Variants in COMMD10 observed in about 807,000 individuals in gnomAD.
COMMD10 encodes the protein COMM domain-containing protein 10.
Under a neutral mutation model 28.9 loss-of-function variants are expected in COMMD10, and 33 were observed. That is an observed-to-expected ratio of 1.14 (90% CI 0.87 to 1.53). The LOEUF (loss-of-function observed/expected upper bound fraction) is 1.53. Among genes scored for constraint, COMMD10 ranks in the 40% most tolerant of loss-of-function variants. The pLI, the probability that COMMD10 is intolerant of heterozygous loss-of-function variation, is 0.00. For synonymous variants in COMMD10, 110 were observed against 81.7 expected (o/e 1.35, Z -1.87); for missense variants, 310 against 233.4 (o/e 1.33, Z -2.14).
chr5:116,239,154 A>T (rs1453431723), intron 5 of COMMD10, among the ~76,000 whole-genome samples: 1 of 152,212 alleles, frequency 6.6e-6, no homozygotes, highest in Non-Finnish European at 1.5e-5. Context: ...CATGGCTTTT[A>T]ACAAAATTCC....
At chr5:116,132,937 A>G (rs186903383) in intron 4 of COMMD10, among the ~76,000 whole-genome samples, 23 of 152,252 alleles carry the variant, frequency 1.5e-4, no homozygotes, top group Non-Finnish European at 2.5e-4. Flanking sequence ...TGCCAGAAGG[A>G]ACAGAACTGT....
At chr5:116,176,523 TA>T (rs1430751254) in intron 5 of COMMD10, among the ~76,000 whole-genome samples, 1 of 152,170 alleles carries the variant, frequency 6.6e-6, no homozygotes, top group Non-Finnish European at 1.5e-5. Context: ...TTTAATTTTG[TA>T]TGTCTTCATT....
chr5:116,214,719 C>T (rs945458040), intron 5 of COMMD10, among the ~76,000 whole-genome samples: 9 of 152,000 alleles, frequency 5.9e-5, no homozygotes, highest in African/African-American at 1.4e-4. Context: ...TAAATTATGG[C>T]CTCAATTTTG....
At chr5:116,159,456 A>G (rs369963130) in intron 5 of COMMD10, among the ~76,000 whole-genome samples, 19 of 152,292 alleles carry the variant, frequency 1.2e-4, no homozygotes, top group African/African-American at 4.1e-4. Context: ...CTGAACATAC[A>G]TTGCAAATAC....
At chr5:116,208,398 T>G (rs1415421985) in intron 5 of COMMD10, among the ~76,000 whole-genome samples, 1 of 152,150 alleles carries the variant, frequency 6.6e-6, no homozygotes, top group African/African-American at 2.4e-5. Flanking sequence ...ATCCCCTGTC[T>G]AGCCATTCCT....
At chr5:116,156,095 T>G (rs961161820) in intron 5 of COMMD10, among the ~76,000 whole-genome samples, 4 of 152,098 alleles carry the variant, frequency 2.6e-5, no homozygotes, top group Admixed American at 6.6e-5. Context: ...ACCAAAACAT[T>G]TCACCTCCCT....
chr5:116,164,827 T>C (rs1009285903), intron 5 of COMMD10, among the ~76,000 whole-genome samples: 1 of 152,152 alleles, frequency 6.6e-6, no homozygotes, highest in Admixed American at 6.5e-5. Flanking sequence ...AAATATGATA[T>C]TTTATGTACT....
chr5:116,202,811 G>T (rs373105134), intron 5 of COMMD10, among the ~76,000 whole-genome samples: 7 of 151,582 alleles, frequency 4.6e-5, no homozygotes, highest in African/African-American at 7.3e-5. Flanking sequence ...AGTAGGTTGC[G>T]AAAATTTTCT....
intron 5 of COMMD10, among the ~76,000 whole-genome samples, chr5:116,140,505 T>C (rs1327842539): frequency 6.6e-6 from 1 of 151,834 alleles, no homozygotes; most frequent in East Asian, 1.9e-4. Flanking sequence ...TTCAAACTGT[T>C]GTCCTTAATG....
intron 5 of COMMD10, among the ~76,000 whole-genome samples, chr5:116,146,019 C>A (rs1409339296): frequency 6.6e-6 from 1 of 151,780 alleles, no homozygotes; most frequent in Admixed American, 6.6e-5. Flanking sequence ...ATAGAGGAGC[C>A]TCAAATAGAT....
intron 5 of COMMD10, among the ~76,000 whole-genome samples, chr5:116,175,578 T>G (rs1000382467): frequency 6.6e-6 from 1 of 151,854 alleles, no homozygotes; most frequent in African/African-American, 2.4e-5. Flanking sequence ...CACCCATGTT[T>G]GTAGCAGCAG....
At chr5:116,201,182 A>G (rs1261391259) in intron 5 of COMMD10, among the ~76,000 whole-genome samples, 1 of 152,186 alleles carries the variant, frequency 6.6e-6, no homozygotes, top group Non-Finnish European at 1.5e-5. Flanking sequence ...GAACTCCAAC[A>G]GGTTAAGCTC....
chr5:116,214,731 G>A (rs1749055041), intron 5 of COMMD10, among the ~76,000 whole-genome samples: 1 of 151,936 alleles, frequency 6.6e-6, no homozygotes, highest in Non-Finnish European at 1.5e-5. Context: ...TCAATTTTGG[G>A]ACTCCAGGCC....
rs184618335 is a variant in COMMD10, at chr5:116,146,900, A to G, written c.510+12722A>G. Among the ~76,000 whole-genome samples, 277 of 151,920 alleles carry G rather than the reference A, an allele frequency of 1.8e-3. 1 individual carries two copies. Among genetic ancestry groups the G allele is most frequent in the African/African-American group, 6.1e-3 (255 of 41,480 alleles). ...AAAATCTCTTTATTTTTGTTTTTCA[A>G]AGTTTCTCAGCTGTCCTTAATACTT... On this transcript the variant is annotated intron_variant, in intron 5 of 6. Transcript: ENST00000274458.
chr5:116,206,511 G>A (rs1000006695), intron 5 of COMMD10, among the ~76,000 whole-genome samples: 1 of 152,238 alleles, frequency 6.6e-6, no homozygotes, highest in East Asian at 1.9e-4. Context: ...AATTAACTGG[G>A]TGTGGTGGTG....
chr5:116,181,125 C>T (rs563183620), intron 5 of COMMD10, among the ~76,000 whole-genome samples: 2 of 152,030 alleles, frequency 1.3e-5, no homozygotes, highest in East Asian at 3.9e-4. Context: ...GCCTGGGCGA[C>T]AGAGTGAGAC....
At chr5:116,154,405 T>C (rs1191221308) in intron 5 of COMMD10, among the ~76,000 whole-genome samples, 1 of 152,146 alleles carries the variant, frequency 6.6e-6, no homozygotes. Context: ...TGCATAAAAG[T>C]GTAAACATTT....
chr5:116,199,793 A>G (rs80129714), intron 5 of COMMD10, among the ~76,000 whole-genome samples: 2,288 of 152,192 alleles, frequency 0.015, 56 homozygotes, highest in African/African-American at 0.048. Flanking sequence ...GGGTCTCGCT[A>G]TGTTGCCCAG....
chr5:116,143,259 A>T (rs1008413811), intron 5 of COMMD10, among the ~76,000 whole-genome samples: 2 of 151,558 alleles, frequency 1.3e-5, no homozygotes, highest in Admixed American at 6.6e-5. Context: ...GTCTACATTT[A>T]TCCATAATAA....
Sources: allele counts gnomAD v4.1 joint callset (sites outside exome capture counted in the v4.1 genomes callset), GRCh38; gene constraint gnomAD v4.1.1; transcripts MANE v1.5; gene names NCBI Gene and HGNC (gene_info 2026-07-23, HGNC 2026-07-21).